The following FAM78B variants were observed in gnomAD, a reference collection of about 807,000 sequenced individuals.
FAM78B encodes the protein protein FAM78B.
FAM78B carries 10 observed loss-of-function variants against 20.0 expected under a neutral mutation model. The observed-to-expected ratio is 0.50, with a 90% CI of 0.31 to 0.85. FAM78B has a LOEUF of 0.85. FAM78B is among the 40% of genes least tolerant of loss of function. FAM78B has a pLI of 0.05. For missense variants in FAM78B, 283 were observed against 345.0 expected (o/e 0.82, Z 1.42); for synonymous variants, 135 against 132.8 (o/e 1.02, Z -0.12).
At chr1:166,163,131 T>C (rs74782783) in intron 1 of FAM78B, among the ~76,000 whole-genome samples, 2,090 of 152,316 alleles carry the variant, frequency 0.014, 56 homozygotes, top group African/African-American at 0.048. Flanking sequence ...TGTTTGTATA[T>C]TGACAGGTTG....
chr1:166,098,178 G>A (rs1653363059), intron 1 of FAM78B, among the ~76,000 whole-genome samples: 2 of 152,120 alleles, frequency 1.3e-5, no homozygotes, highest in Admixed American at 1.3e-4. Context: ...TAGGAAAAGG[G>A]GGAGAGTACT....
chr1:166,110,657 GCTTT>G (rs1315044074), intron 1 of FAM78B, among the ~76,000 whole-genome samples: 35 of 152,278 alleles, frequency 2.3e-4, no homozygotes, highest in African/African-American at 7.9e-4. Context: ...ATGGTATCCA[GCTTT>G]GAATGGAGCC....
intron 1 of FAM78B, among the ~76,000 whole-genome samples, chr1:166,146,200 T>C (rs1191396699): frequency 6.6e-6 from 1 of 152,234 alleles, no homozygotes; most frequent in Non-Finnish European, 1.5e-5. Context: ...AATGGACTCA[T>C]GTCTCACAGT....
intron 1 of FAM78B, among the ~76,000 whole-genome samples, chr1:166,132,612 T>A (rs1654916132): frequency 6.6e-6 from 1 of 152,186 alleles, no homozygotes; most frequent in Non-Finnish European, 1.5e-5. Flanking sequence ...ATCCTCCCAA[T>A]GAATGAATCT....
intron 1 of FAM78B, among the ~76,000 whole-genome samples, chr1:166,082,016 T>A (rs1007833833): frequency 6.6e-6 from 1 of 152,186 alleles, no homozygotes; most frequent in African/African-American, 2.4e-5. Context: ...TTCTCCTCTA[T>A]CCGGGACCAT....
At chr1:166,121,075 C>T (rs990228368) in intron 1 of FAM78B, among the ~76,000 whole-genome samples, 7 of 152,270 alleles carry the variant, frequency 4.6e-5, no homozygotes, top group African/African-American at 7.2e-5. Context: ...TGTAGAGCCT[C>T]GGGCAATTTT....
chr1:166,161,395 G>A (rs2101806921), intron 1 of FAM78B, among the ~76,000 whole-genome samples: 2 of 152,310 alleles, frequency 1.3e-5, no homozygotes, highest in South Asian at 2.1e-4. Flanking sequence ...TGATCCACCT[G>A]CCTCGGCCTC....
At chr1:166,071,832 T>A (rs1224645094) in intron 1 of FAM78B, among the ~76,000 whole-genome samples, 1 of 152,128 alleles carries the variant, frequency 6.6e-6, no homozygotes, top group East Asian at 1.9e-4. Flanking sequence ...AAAGTACCCT[T>A]ACACAGCGCT....
At chr1:166,136,179 A>G (rs1044884656) in intron 1 of FAM78B, among the ~76,000 whole-genome samples, 6 of 152,242 alleles carry the variant, frequency 3.9e-5, no homozygotes, top group Non-Finnish European at 8.8e-5. Flanking sequence ...AGCAAAGGAC[A>G]CTGAGGATGT....
chr1:166,147,227 A>T (rs1428213135), intron 1 of FAM78B, among the ~76,000 whole-genome samples: 2 of 152,220 alleles, frequency 1.3e-5, no homozygotes, highest in Non-Finnish European at 2.9e-5. Context: ...TGGTGAGCAC[A>T]GTCAGAAAAG....
intron 2 of FAM78B, among the ~76,000 whole-genome samples, chr1:166,061,150 T>A (rs979002844): frequency 6.6e-6 from 1 of 152,228 alleles, no homozygotes; most frequent in Non-Finnish European, 1.5e-5. Context: ...TAAAACTTAC[T>A]TCTTGAATAT....
chr1:166,090,843 G>T (rs1183061325), intron 1 of FAM78B, among the ~76,000 whole-genome samples: 1 of 152,238 alleles, frequency 6.6e-6, no homozygotes, highest in Non-Finnish European at 1.5e-5. Flanking sequence ...TGACCATAAT[G>T]ATGGCTAGTG....
At chr1:166,062,475 G>A (rs1302284901) in intron 2 of FAM78B, among the ~76,000 whole-genome samples, 2 of 152,220 alleles carry the variant, frequency 1.3e-5, no homozygotes, top group African/African-American at 2.4e-5. Context: ...TGAAGAAGGC[G>A]TTTTCCTTTG....
At chr1:166,152,334 G>T (rs912702982) in intron 1 of FAM78B, among the ~76,000 whole-genome samples, 1 of 152,216 alleles carries the variant, frequency 6.6e-6, no homozygotes, top group Admixed American at 6.5e-5. Flanking sequence ...CACGCTGGCG[G>T]GATGCGGCAG....
At chr1:166,147,977 T>C (rs1360226325) in intron 1 of FAM78B, 5 of 152,044 alleles carry the variant, frequency 3.3e-5, no homozygotes, top group Non-Finnish European at 7.4e-5. Context: ...CAAAGAGGGG[T>C]TAAAGGAAAT....
intron 1 of FAM78B, among the ~76,000 whole-genome samples, chr1:166,087,935 G>T (rs762582362): frequency 3.9e-5 from 6 of 152,182 alleles, no homozygotes; most frequent in Non-Finnish European, 8.8e-5. Context: ...GTGCCGCTCA[G>T]GCTGGAGAGC....
chr1:166,079,210 G>A lies in FAM78B; in HGVS notation c.264-8447C>T, dbSNP rs543282262. ...CGCCCGCCAAGTTGCTGGGATTACA[G>A]GCATGAACCACTGTGTCTGGCTGGC... On this transcript the variant is annotated intron_variant, in intron 1 of 1. Transcript: ENST00000354422. 5.3e-5 allele frequency among the ~76,000 whole-genome samples: 8 copies of A among 152,302 alleles called. No individual in the cohort carries two copies. The East Asian group carries it at 1.4e-3, about 26-fold the overall frequency.
chr1:166,088,119 G>A (rs1335811857), intron 1 of FAM78B, among the ~76,000 whole-genome samples: 2 of 152,190 alleles, frequency 1.3e-5, no homozygotes, highest in African/African-American at 4.8e-5. Context: ...TCAAGAGACT[G>A]GCTTTTGTCC....
chr1:166,136,555 T>A (rs574124681), intron 1 of FAM78B, among the ~76,000 whole-genome samples: 1 of 152,158 alleles, frequency 6.6e-6, no homozygotes, highest in African/African-American at 2.4e-5. Flanking sequence ...CTTCCCCTCT[T>A]TACAACAGCA....
Sources: gnomAD v4.1 joint callset for allele counts (sites outside exome capture counted in the v4.1 genomes callset) on GRCh38, gnomAD v4.1.1 for gene constraint, MANE v1.5 for transcripts, NCBI Gene and HGNC (gene_info 2026-07-23, HGNC 2026-07-21) for gene names.